PPP1R13B: variants seen among roughly 807,000 people sequenced by gnomAD.
PPP1R13B encodes the protein apoptosis-stimulating of p53 protein 1.
A neutral mutation model predicts 119.8 loss-of-function variants in PPP1R13B; 44 were observed. The ratio of observed to expected loss-of-function variants is 0.37; its 90% confidence interval spans 0.29 to 0.47. The LOEUF is 0.47. Among genes scored for constraint, PPP1R13B ranks in the 20% least tolerant of loss-of-function variants. PPP1R13B has a pLI of 0.99. For missense variants in PPP1R13B, 1,227 were observed against 1,413.5 expected, an observed-to-expected ratio of 0.87 and a Z score of 2.12; for synonymous variants, 542 against 561.5, an observed-to-expected ratio of 0.97 and a Z score of 0.49.
chr14:103,798,456 A>T (rs535529547), intron 1 of PPP1R13B, among the ~76,000 whole-genome samples: 1 of 151,774 alleles, frequency 6.6e-6, no homozygotes, highest in Admixed American at 6.6e-5. Context: ...CCGGCCAAGA[A>T]TCTCTTATAA....
chr14:103,734,869 T>A lies in PPP1R13B; in HGVS notation c.*285A>T, dbSNP rs1408705220. ...GCAACCAACCGGGGGTTATGGGACT[T>A]CTTAATGGCAAGAGGGGTGGGTGTT... is the stretch of plus-strand genomic sequence containing the variant. On this transcript the variant is annotated 3_prime_UTR_variant, in exon 17 of 17. Transcript: ENST00000202556. 2 of 531,908 alleles carry A rather than the reference T, an allele frequency of 3.8e-6. No homozygotes were observed. The highest frequency in any genetic ancestry group is 3.4e-5 in the South Asian group (2 of 58,944). The allele number at this position is 531,908 out of a possible 1,614,324, so 32.9% of individuals were successfully genotyped here.
chr14:103,821,882 G>T (rs577720108), intron 1 of PPP1R13B, among the ~76,000 whole-genome samples: 1 of 152,226 alleles, frequency 6.6e-6, no homozygotes, highest in African/African-American at 2.4e-5. Flanking sequence ...TAAGCTAAGT[G>T]ACAATATTTG....
At chr14:103,776,182 GAGGGAGGAAGGA>G (rs1185594325) in intron 4 of PPP1R13B, among the ~76,000 whole-genome samples, 7 of 76,494 alleles carry the variant, frequency 9.2e-5, no homozygotes, top group African/African-American at 1.5e-4. Flanking sequence ...GGGAGGGAGG[GAGGGAGGAAGGA>G]AGGAAGGAAG....
At chr14:103,818,077 G>GT (rs1344996348) in intron 1 of PPP1R13B, among the ~76,000 whole-genome samples, 1 of 152,024 alleles carries the variant, frequency 6.6e-6, no homozygotes, top group Non-Finnish European at 1.5e-5. Context: ...ACAAAACATT[G>GT]TAAGTGTGAC....
At chr14:103,839,006 T>C (rs1193037914) in intron 1 of PPP1R13B, among the ~76,000 whole-genome samples, 1 of 152,078 alleles carries the variant, frequency 6.6e-6, no homozygotes, top group Non-Finnish European at 1.5e-5. Context: ...TCTTTTTCTT[T>C]TTTTCTTTGA....
intron 4 of PPP1R13B, 187 bp downstream of exon 4, chr14:103,778,558 C>G (rs924931417): frequency 1.7e-6 from 1 of 571,822 alleles, no homozygotes; most frequent in African/African-American, 1.9e-5. Context: ...CACACCTGGC[C>G]TCATCTGATT....
intron 2 of PPP1R13B, chr14:103,794,692 T>TCCTC (rs2085715666): frequency 2.3e-6 from 1 of 431,858 alleles, no homozygotes; most frequent in South Asian, 1.7e-5. Flanking sequence ...CTGTAAGGGT[T>TCCTC]CCTCTAGGTA....
At chr14:103,847,732 A>G, upstream of PPP1R13B, 1 of 706,038 alleles carries the variant, frequency 1.4e-6, no homozygotes, top group Non-Finnish European at 1.7e-6. Flanking sequence ...CCTCGCTCTC[A>G]GCGGCGGCCA....
chr14:103,834,300 C>G lies in PPP1R13B; in HGVS notation c.9+12999G>C, dbSNP rs2086725287. ...CTGAGGCACGAGAATCACTTGAAAC[C>G]AGGAGGCAGAGGTTGCAGTGAGCCA... On this transcript the variant is annotated intron_variant, in intron 1 of 16. Coordinates refer to ENST00000202556, the MANE Select transcript of PPP1R13B (RefSeq NM_015316.3). 4.6e-5 allele frequency among the ~76,000 whole-genome samples: 7 copies of G among 152,124 alleles called. No homozygotes were observed. In the South Asian group the frequency reaches 1.5e-3, roughly 32 times the overall value.
intron 1 of PPP1R13B, among the ~76,000 whole-genome samples, chr14:103,821,861 C>T (rs2086418517): frequency 6.6e-6 from 1 of 151,610 alleles, no homozygotes; most frequent in Non-Finnish European, 1.5e-5. Flanking sequence ...CCAACAAGAC[C>T]CTGGAAAATG....
At position 103,739,713 on chromosome 14, in the gene PPP1R13B, A is replaced by G. The variant is rs567742235; in HGVS notation, c.2592+111T>C. The stretch of plus-strand genomic sequence containing the variant: ...TCCCTACAAGACGTAACTCAGGGAC[A>G]TCCCTGGTTCCCACTGCTCCCAGCA... On this transcript the variant is annotated intron_variant, in intron 12 of 16. Coordinates refer to ENST00000202556, the MANE Select transcript of PPP1R13B (RefSeq NM_015316.3). 9.2e-6 allele frequency: 12 copies of G among 1,303,172 alleles called. 1 individual carries two copies. In the South Asian group the frequency reaches 1.1e-4, roughly 12 times the overall value. 80.7% of individuals were successfully genotyped at this position (1,303,172 alleles called of 1,614,324 possible). A position where few individuals can be genotyped will look rare whatever the true frequency, so the allele number is the denominator to read the frequency against.
intron 2 of PPP1R13B, among the ~76,000 whole-genome samples, chr14:103,793,672 G>C (rs1270277638): frequency 6.6e-6 from 1 of 151,776 alleles, no homozygotes; most frequent in Non-Finnish European, 1.5e-5. Flanking sequence ...TCTATTATAA[G>C]ACTTTTAGGA....
At chr14:103,811,917 G>A (rs183883978) in intron 1 of PPP1R13B, among the ~76,000 whole-genome samples, 116 of 149,604 alleles carry the variant, frequency 7.8e-4, no homozygotes, top group Non-Finnish European at 1.4e-3. Flanking sequence ...AGCATTAGCC[G>A]GGTGTGGTGG....
intron 3 of PPP1R13B, 94 bp downstream of exon 3, chr14:103,784,701 G>A (rs899848348): frequency 6.3e-5 from 80 of 1,272,412 alleles, no homozygotes; most frequent in South Asian, 7.2e-5. Context: ...GTGCAGGGCC[G>A]GGTGTGTGTG....
intron 6 of PPP1R13B, among the ~76,000 whole-genome samples, chr14:103,753,478 T>C (rs1487164292): frequency 6.6e-6 from 1 of 152,170 alleles, no homozygotes; most frequent in Non-Finnish European, 1.5e-5. Context: ...AGACCAAAGG[T>C]TTTGTGAAGG....
At chr14:103,805,587 A>T (rs1352130216) in intron 1 of PPP1R13B, among the ~76,000 whole-genome samples, 3 of 151,900 alleles carry the variant, frequency 2.0e-5, no homozygotes, top group African/African-American at 7.3e-5. Flanking sequence ...AAGGAAGGAA[A>T]GAAGGAAGGA....
At chr14:103,848,042 A>G (rs1024461553), upstream of PPP1R13B, among the ~76,000 whole-genome samples, 20 of 151,812 alleles carry the variant, frequency 1.3e-4, no homozygotes, top group Middle Eastern at 3.4e-3. Flanking sequence ...GCTGCGGCCC[A>G]GAGGCCAGTG....
chr14:103,737,817 A>T lies in PPP1R13B; in HGVS notation c.2908T>A (p.Cys970Ser). ...GCACCACTCTCCACCAGCTGTTTGC[A>T]GAGGTGAACGCTGTTACAAGAGGCA... ...CAASCNSVHL[C>S]KQLVESGAAI... The change falls in exon 15 of 17, where the codon TGC (cysteine) becomes AGC (serine). Residue 970 changes from cysteine to serine, a missense_variant. Coordinates refer to ENST00000202556, the MANE Select transcript of PPP1R13B (RefSeq NM_015316.3). 1 of 1,614,212 alleles carries T rather than the reference A, an allele frequency of 6.2e-7. No individual in the cohort carries two copies. The highest frequency in any genetic ancestry group is 8.5e-7 in the Non-Finnish European group (1 of 1,180,038).
intron 1 of PPP1R13B, among the ~76,000 whole-genome samples, chr14:103,840,941 C>A (rs2152087221): frequency 6.6e-6 from 1 of 152,228 alleles, no homozygotes; most frequent in Non-Finnish European, 1.5e-5. Flanking sequence ...ACATTCTATG[C>A]ATGTAACAAA....
Sources: gnomAD v4.1 joint callset for allele counts (sites outside exome capture counted in the v4.1 genomes callset) on GRCh38, gnomAD v4.1.1 for gene constraint, MANE v1.5 for transcripts, NCBI Gene and HGNC (gene_info 2026-07-23, HGNC 2026-07-21) for gene names.